CMIP: variants seen among roughly 807,000 people sequenced by gnomAD.
CMIP encodes c-Maf inducing protein, also known as C-Maf-inducing protein.
A neutral mutation model predicts 97.3 loss-of-function variants in CMIP; 13 were observed. That is an observed-to-expected ratio of 0.13 (90% CI 0.09 to 0.21). The LOEUF (loss-of-function observed/expected upper bound fraction) is 0.21. Ranked by LOEUF, CMIP falls within the 10% of genes least tolerant of loss-of-function variation. The pLI is 1.00. For missense variants in CMIP, 847 were observed against 1,024.9 expected (o/e 0.83, Z 2.37); for synonymous variants, 538 against 436.3 (o/e 1.23, Z -2.91).
rs4411494 is a variant in CMIP, at chr16:81,556,511, G to C, written c.301-51056G>C. On this transcript the variant is annotated intron_variant, in intron 1 of 20. Transcript: ENST00000537098. Reference sequence around the variant, plus strand: ...AATGTGCCAACGATTACTATTTTCCGTTGTTTTATCAGTGGCCCTCCTAAT... The same window carrying C: ...AATGTGCCAACGATTACTATTTTCCCTTGTTTTATCAGTGGCCCTCCTAAT... 4.0e-3 allele frequency among the ~76,000 whole-genome samples: 608 copies of C among 152,258 alleles called. 7 individuals are homozygous for C. The highest frequency in any genetic ancestry group is 0.034 in the South Asian group (162 of 4,826).
chr16:81,501,769 A>T (rs930268926), intron 1 of CMIP, among the ~76,000 whole-genome samples: 1 of 151,768 alleles, frequency 6.6e-6, no homozygotes, highest in Non-Finnish European at 1.5e-5. Context: ...ATGCCACCAT[A>T]CCCAGCTAAT....
rs1406094771 is a variant in CMIP, at chr16:81,684,375, G to A, written c.1388+5747G>A. Among the ~76,000 whole-genome samples, 5 of 152,350 alleles carry A rather than the reference G, an allele frequency of 3.3e-5. No individual in the cohort carries two copies. In the South Asian group the frequency reaches 6.2e-4, roughly 19 times the overall value. On this transcript the variant is annotated intron_variant, in intron 10 of 20. Transcript: ENST00000537098. ...CCCCACAGGGGCCTTCTCATGCCCC[G>A]TGCCTTCCCAAGCATCAGGCCACCG... is the stretch of plus-strand genomic sequence containing the variant.
intron 1 of CMIP, among the ~76,000 whole-genome samples, chr16:81,524,892 C>G (rs1465805798): frequency 2.0e-5 from 3 of 149,988 alleles, no homozygotes; most frequent in Admixed American, 2.0e-4. Flanking sequence ...CTCCCAGGTT[C>G]AAGTGATCCT....
intron 1 of CMIP, among the ~76,000 whole-genome samples, chr16:81,467,433 G>A (rs1264376278): frequency 6.6e-6 from 1 of 152,140 alleles, no homozygotes; most frequent in Non-Finnish European, 1.5e-5. Flanking sequence ...CCCCGTAAAG[G>A]CCTCCTGTGA....
At chr16:81,488,025 T>C (rs2089345647) in intron 1 of CMIP, among the ~76,000 whole-genome samples, 1 of 152,148 alleles carries the variant, frequency 6.6e-6, no homozygotes, top group Admixed American at 6.5e-5. Flanking sequence ...AATTATTATT[T>C]TATTTTATTT....
chr16:81,547,562 T>C (rs1348905783), intron 1 of CMIP, among the ~76,000 whole-genome samples: 1 of 151,758 alleles, frequency 6.6e-6, no homozygotes, highest in Non-Finnish European at 1.5e-5. Flanking sequence ...GGAGACAAAC[T>C]TACCGTTTCA....
intron 1 of CMIP, among the ~76,000 whole-genome samples, chr16:81,457,456 C>G (rs570666758): frequency 6.6e-6 from 1 of 152,310 alleles, no homozygotes; most frequent in South Asian, 2.1e-4. Context: ...TCTACCCTTT[C>G]TCCTAAATGA....
chr16:81,513,276 G>C (rs1182879765), intron 1 of CMIP, among the ~76,000 whole-genome samples: 2 of 152,250 alleles, frequency 1.3e-5, no homozygotes, highest in Non-Finnish European at 2.9e-5. Context: ...CTTCCTGCCA[G>C]CAGGCTATTC....
rs770642164 is a variant in CMIP at position 81,616,441 on chromosome 16, G to A, written c.427-4435G>A. Among the ~76,000 whole-genome samples the A allele has an allele frequency of 4.6e-5, 7 of 152,252 alleles. No homozygotes were observed. Among genetic ancestry groups the A allele is most frequent in the Non-Finnish European group, 1.0e-4 (7 of 68,048 alleles). ...TCCTCATCTGTAAGATGGGTGCGTT[G>A]AGGAGGAGAGGAGGTGTGTGTGAGC... On this transcript the variant is annotated intron_variant, in intron 2 of 20. Transcript: ENST00000537098. The surrounding 1 kb of genome is among the most constrained non-coding windows in gnomAD (Gnocchi z 4.7).
rs376094920 is a variant in CMIP at position 81,614,742 on chromosome 16, AGTGT to A, written c.427-6131_427-6128del. 1.7e-4 allele frequency among the ~76,000 whole-genome samples: 26 copies of A among 148,644 alleles called. No homozygotes were observed. Among genetic ancestry groups the A allele is most frequent in the East Asian group, 6.0e-4 (3 of 4,968 alleles). ...GTGCGTACACATGTGTGTCTCTGTG[AGTGT>A]GTATGTGTCTATGTCTGTGGTGTGT... On this transcript the variant is annotated intron_variant, in intron 2 of 20. Coordinates refer to ENST00000537098, the MANE Select transcript of CMIP (RefSeq NM_198390.3). This position sits in a 1 kb window ranked among gnomAD's most constrained non-coding sequence, Gnocchi z 5.3.
At chr16:81,658,161 G>A (rs1024173778) in intron 5 of CMIP, among the ~76,000 whole-genome samples, 12 of 152,182 alleles carry the variant, frequency 7.9e-5, no homozygotes, top group Admixed American at 5.2e-4. Context: ...AAAGGTAAAC[G>A]TTCTCTTTCT....
intron 1 of CMIP, among the ~76,000 whole-genome samples, chr16:81,508,572 A>G (rs2089753137): frequency 6.6e-6 from 1 of 152,210 alleles, no homozygotes; most frequent in Non-Finnish European, 1.5e-5. Flanking sequence ...ATCCATGTAT[A>G]TATATCTTTG....
intron 19 of CMIP, among the ~76,000 whole-genome samples, chr16:81,706,492 G>C (rs776763152): frequency 6.6e-6 from 1 of 151,910 alleles, no homozygotes; most frequent in Admixed American, 6.6e-5. Context: ...GGAGTCCCCC[G>C]GGGGGGCGCG....
intron 1 of CMIP, among the ~76,000 whole-genome samples, chr16:81,511,745 A>G (rs2089814286): frequency 6.6e-6 from 1 of 152,152 alleles, no homozygotes; most frequent in African/African-American, 2.4e-5. Context: ...TATGTTTTGT[A>G]GAGATGGCGT....
chr16:81,601,394 G>A (rs1183908756), intron 1 of CMIP, among the ~76,000 whole-genome samples: 7 of 151,596 alleles, frequency 4.6e-5, no homozygotes, highest in Non-Finnish European at 7.4e-5. Flanking sequence ...TGCCAGCATC[G>A]GGGGCCCAAT....
chr16:81,486,964 C>T, intron 1 of CMIP, among the ~76,000 whole-genome samples: 1 of 152,376 alleles, frequency 6.6e-6, no homozygotes, highest in East Asian at 1.9e-4. Context: ...CAGGCGATAA[C>T]CGCACTGGGC....
chr16:81,464,503 TTCA>T (rs1426522636), intron 1 of CMIP: 1 of 151,640 alleles, frequency 6.6e-6, no homozygotes, highest in African/African-American at 2.4e-5. Context: ...GTCTCATTCA[TTCA>T]TTCATTCATT....
rs906777012 is a variant in CMIP, at chr16:81,525,946, C to CT, written c.300+80413dup. Among the ~76,000 whole-genome samples, 37 of 151,390 alleles carry CT rather than the reference C, an allele frequency of 2.4e-4. No homozygotes were observed. In the East Asian group the frequency reaches 4.5e-3, roughly 18 times the overall value. ...CCATATTGTAGCATGTATCAGAATC[C>CT]TTTTTTTTGTTTAAAGGTTGACTAA... is the stretch of plus-strand genomic sequence containing the variant. On this transcript the variant is annotated intron_variant, in intron 1 of 20. Transcript: ENST00000537098.
At chr16:81,671,370 C>G (rs970101808) in intron 8 of CMIP, among the ~76,000 whole-genome samples, 11 of 152,192 alleles carry the variant, frequency 7.2e-5, no homozygotes, top group Non-Finnish European at 5.9e-5. Flanking sequence ...GTGTTATCCT[C>G]AGGACCACCA....
Sources: gnomAD v4.1 joint callset for allele counts (sites outside exome capture counted in the v4.1 genomes callset) on GRCh38, gnomAD v4.1.1 for gene constraint, Gnocchi (gnomAD v3.1) non-coding constraint, MANE v1.5 for transcripts, NCBI Gene and HGNC (gene_info 2026-07-23, HGNC 2026-07-21) for gene names.